The following LAP3 variants were observed in gnomAD, a reference collection of about 807,000 sequenced individuals.
LAP3 encodes cytosol aminopeptidase.
A neutral mutation model predicts 58.8 loss-of-function variants in LAP3; 46 were observed. That is an observed-to-expected ratio of 0.78 (90% CI 0.62 to 1.00). The LOEUF is 1.00. Ranked by LOEUF, LAP3 falls within the 50% of genes least tolerant of loss-of-function variation. The pLI, the probability that LAP3 is intolerant of heterozygous loss-of-function variation, is 0.00. For synonymous variants in LAP3, 257 were observed against 237.7 expected (o/e 1.08, Z -0.75); for missense variants, 615 against 659.1 (o/e 0.93, Z 0.73).
intron 7 of LAP3, among the ~76,000 whole-genome samples, chr4:17,595,065 G>A (rs1260516632): frequency 6.6e-6 from 1 of 151,764 alleles, no homozygotes; most frequent in African/African-American, 2.4e-5. Flanking sequence ...TTGGGAGGCC[G>A]AGGCTGGCGG....
Position 17,606,827 on chromosome 4 carries a change from A to G in LAP3, c.1261-2A>G. 1 of 1,607,128 alleles carries G rather than the reference A, an allele frequency of 6.2e-7. No homozygotes were observed. The highest frequency in any genetic ancestry group is 8.5e-7 in the Non-Finnish European group (1 of 1,176,216). ...CTTCCACCTGTCATACCTGTTCTCT[A>G]GGCCAGCATTGAAACAGGGGACCGT... On this transcript the variant is annotated splice_acceptor_variant, in intron 11 of 12. Transcript: ENST00000226299. LOFTEE classifies it high-confidence loss of function.
chr4:17,590,397 G>A (rs763953820), intron 7 of LAP3, among the ~76,000 whole-genome samples: 1 of 151,986 alleles, frequency 6.6e-6, no homozygotes, highest in Non-Finnish European at 1.5e-5. Flanking sequence ...AGGTCAAAGT[G>A]CCTCCTTGTG....
At position 17,585,074 on chromosome 4, in the gene LAP3, AT is replaced by A. The variant is rs1476930513; in HGVS notation, c.645del (p.Phe215LeufsTer88). 1 of 1,613,920 alleles carries A rather than the reference AT, an allele frequency of 6.2e-7. No individual in the cohort carries two copies. Among genetic ancestry groups the A allele is most frequent in the East Asian group, 2.2e-5 (1 of 44,892 alleles). ...TPANEMTPTRFAEIIEKNLKS... is the reference protein window; with the variant it reads ...TPANEMTPTRXAEIIEKNLKS... ...CAGCCAATGAGATGACGCCAACCAG[AT>A]TTGCTGAAATTATTGAGAAGAATCT... On this transcript the variant is annotated frameshift_variant, in exon 6 of 13. Transcript: ENST00000226299. LOFTEE classifies it high-confidence loss of function.
intron 12 of LAP3, 114 bp downstream of exon 12, chr4:17,607,052 G>A (rs1577227104): frequency 3.2e-6 from 2 of 630,818 alleles, no homozygotes; most frequent in Admixed American, 3.5e-5. Flanking sequence ...TCCTTTTGGT[G>A]TAGTGCTTGT....
At chr4:17,589,433 C>T (rs1194569797) in intron 7 of LAP3, among the ~76,000 whole-genome samples, 2 of 152,110 alleles carry the variant, frequency 1.3e-5, no homozygotes, top group African/African-American at 4.8e-5. Flanking sequence ...TATGCTACCA[C>T]CTCTAAAATG....
chr4:17,577,372 C>T lies in LAP3; in HGVS notation c.-94C>T, dbSNP rs1713224768. 2 of 939,830 alleles carry T rather than the reference C, an allele frequency of 2.1e-6. No homozygotes were observed. The highest frequency in any genetic ancestry group is 1.8e-5 in the African/African-American group (1 of 56,504). 58.2% of individuals were successfully genotyped at this position (939,830 alleles called of 1,614,324 possible). ...GCGCCCGAGCCAGTCCGCGCGCACG[C>T]CGTCTGCGCCCCGAAAGCCCCGCCC... On this transcript the variant is annotated 5_prime_UTR_variant, in exon 1 of 13. Coordinates refer to ENST00000226299, the MANE Select transcript of LAP3 (RefSeq NM_015907.3).
chr4:17,577,707 C>T (rs1713245736), intron 1 of LAP3, 140 bp downstream of exon 1: 2 of 654,084 alleles, frequency 3.1e-6, no homozygotes, highest in Non-Finnish European at 5.1e-6. Flanking sequence ...AAATTCTCTC[C>T]TTGCGGGGAT....
chr4:17,603,822 T>TTTTC (rs869250724), intron 10 of LAP3, among the ~76,000 whole-genome samples: 2 of 84,526 alleles, frequency 2.4e-5, no homozygotes, highest in African/African-American at 7.5e-5. Flanking sequence ...CCTTTTTTTT[T>TTTTC]TTTCTTTCTT....
At chr4:17,587,905 G>T (rs1713568790) in intron 6 of LAP3, among the ~76,000 whole-genome samples, 1 of 150,946 alleles carries the variant, frequency 6.6e-6, no homozygotes. Flanking sequence ...TTTTTTTCCA[G>T]TCATTGGGAT....
chr4:17,600,450 C>T (rs16895273), intron 10 of LAP3, among the ~76,000 whole-genome samples: 2,483 of 152,124 alleles, frequency 0.016, 80 homozygotes, highest in African/African-American at 0.057. Context: ...CGAGTACCCC[C>T]TTACTGTAAA....
intron 7 of LAP3, among the ~76,000 whole-genome samples, chr4:17,592,863 C>T (rs7693502): frequency 0.013 from 2,003 of 152,320 alleles, 42 homozygotes; most frequent in South Asian, 0.041. Flanking sequence ...GGCTGGAGTG[C>T]ACCTCGGCTC....
At chr4:17,583,330 A>G in intron 4 of LAP3, 153 bp from the exon 5 acceptor site, 2 of 792,428 alleles carry the variant, frequency 2.5e-6, no homozygotes, top group Non-Finnish European at 4.1e-6. Flanking sequence ...TTCATTTTAC[A>G]GAAGAGGAAA....
chr4:17,598,429 AC>A (rs1713886462), intron 9 of LAP3, 26 bp from the exon 10 acceptor site: 1 of 1,512,752 alleles, frequency 6.6e-7, no homozygotes. Context: ...TTGCGCTGTC[AC>A]CCTTTCTGTT....
intron 7 of LAP3, among the ~76,000 whole-genome samples, chr4:17,593,933 C>T (rs1446995684): frequency 6.6e-6 from 1 of 151,952 alleles, no homozygotes; most frequent in African/African-American, 2.4e-5. Context: ...TTTTTTCACA[C>T]AACAAAACCT....
Position 17,597,046 on chromosome 4 carries a change from GT to G in LAP3, c.990del (p.Leu331TrpfsTer62). 6.2e-7 allele frequency: 1 copy of G among 1,614,138 alleles called. No individual in the cohort carries two copies. Among genetic ancestry groups the G allele is most frequent in the Admixed American group, 1.7e-5 (1 of 60,014 alleles). On this transcript the variant is annotated frameshift_variant and splice_region_variant, in exon 9 of 13. Transcript: ENST00000226299. LOFTEE classifies it high-confidence loss of function. ...AKLNLPINIIGLAPLCENMPS... is the reference protein window; with the variant it reads ...AKLNLPINIIXLAPLCENMPS... ...TGCCTTCATATATTATTTCCAATAG[GT>G]CTGGCCCCTCTTTGTGAAAATATGC...
intron 6 of LAP3, among the ~76,000 whole-genome samples, chr4:17,587,207 T>C (rs574162769): frequency 6.6e-6 from 1 of 152,278 alleles, no homozygotes; most frequent in Admixed American, 6.5e-5. Context: ...GCAAAACTTG[T>C]AGCCGAGCAA....
intron 9 of LAP3, 121 bp downstream of exon 9, chr4:17,597,255 C>A: frequency 1.2e-6 from 1 of 803,970 alleles, no homozygotes. Flanking sequence ...AGGGTGCTGT[C>A]TTTAGTGCTG....
At chr4:17,583,940 C>T (rs921011847) in intron 5 of LAP3, among the ~76,000 whole-genome samples, 1 of 152,206 alleles carries the variant, frequency 6.6e-6, no homozygotes, top group African/African-American at 2.4e-5. Context: ...AGACATATCC[C>T]ACAGGTTTCA....
At chr4:17,604,531 G>T in intron 10 of LAP3, 57 bp from the exon 11 acceptor site, 1 of 1,278,250 alleles carries the variant, frequency 7.8e-7, no homozygotes, top group Non-Finnish European at 1.1e-6. Flanking sequence ...CTGGGTGGCG[G>T]AGGAGCCCAT....
Sources: allele counts gnomAD v4.1 joint callset (sites outside exome capture counted in the v4.1 genomes callset), GRCh38; gene constraint gnomAD v4.1.1; transcripts MANE v1.5; gene names NCBI Gene and HGNC (gene_info 2026-07-23, HGNC 2026-07-21).